Variants in NEBL observed in about 807,000 individuals in gnomAD.
NEBL encodes the protein nebulette, also known as LIM and SH3 protein 2.
A neutral mutation model predicts 140.2 loss-of-function variants in NEBL; 122 were observed. That is an observed-to-expected ratio of 0.87 (90% CI 0.75 to 1.01). The LOEUF (loss-of-function observed/expected upper bound fraction) is 1.01, where lower values mean the gene tolerates loss of function less well. NEBL is among the 50% of genes least tolerant of loss of function. The probability of loss-of-function intolerance (pLI) is 0.00; values close to 1 mark genes in which losing one functional copy is unlikely to be tolerated. For synonymous variants in NEBL, 436 were observed against 398.9 expected, an observed-to-expected ratio of 1.09 and a Z score of -1.11; for missense variants, 1,365 against 1,231.3, an observed-to-expected ratio of 1.11 and a Z score of -1.62.
chr10:20,917,814 A>C (rs1312169972), intron 4 of NEBL, among the ~76,000 whole-genome samples: 1 of 152,178 alleles, frequency 6.6e-6, no homozygotes, highest in African/African-American at 2.4e-5. Context: ...TTCTTTGAGA[A>C]GCCAAGATTC....
intron 3 of NEBL, among the ~76,000 whole-genome samples, chr10:20,889,593 G>T (rs184807215): frequency 1.3e-5 from 2 of 151,978 alleles, no homozygotes; most frequent in Non-Finnish European, 2.9e-5. Flanking sequence ...AAGAGGAATC[G>T]TATATAAATA....
intron 3 of NEBL, among the ~76,000 whole-genome samples, chr10:20,987,337 C>T (rs1837295146): frequency 6.6e-6 from 1 of 152,092 alleles, no homozygotes; most frequent in South Asian, 2.1e-4. Flanking sequence ...TTGCTGCTTC[C>T]AGGCCTTTGT....
intron 3 of NEBL, among the ~76,000 whole-genome samples, chr10:21,006,988 A>G (rs1178025113): frequency 2.6e-5 from 4 of 152,180 alleles, no homozygotes; most frequent in African/African-American, 9.7e-5. Context: ...CTTATTCTAC[A>G]TATTTCTCAA....
At chr10:20,798,389 G>T (rs988812693) in intron 26 of NEBL, among the ~76,000 whole-genome samples, 1 of 152,194 alleles carries the variant, frequency 6.6e-6, no homozygotes, top group Non-Finnish European at 1.5e-5. Context: ...GAAATGGAAA[G>T]TGGGAGAAAA....
In NEBL at chr10:21,242,427, C is replaced by T. The variant is rs138686790; in HGVS notation, n.348+5494G>A. On this transcript the variant is annotated intron_variant and non_coding_transcript_variant, in intron 3 of 8. Coordinates refer to the NEBL transcript ENST00000675702. The stretch of plus-strand genomic sequence containing the variant: ...ACGGGAGCTAAACGTTGAAAATACA[C>T]GGACACAAAGAAGGGAATAACAGAC... 1.7e-3 allele frequency among the ~76,000 whole-genome samples: 261 copies of T among 152,084 alleles called. 2 individuals carry two copies. Among genetic ancestry groups the T allele is most frequent in the African/African-American group, 5.5e-3 (228 of 41,498 alleles).
intron 3 of NEBL, among the ~76,000 whole-genome samples, chr10:20,972,824 A>G (rs571335202): frequency 6.6e-6 from 1 of 152,344 alleles, no homozygotes; most frequent in South Asian, 2.1e-4. Flanking sequence ...AAGGGATGAC[A>G]GACAGCATGG....
chr10:21,025,828 C>T (rs1839003934), intron 2 of NEBL, among the ~76,000 whole-genome samples: 1 of 152,134 alleles, frequency 6.6e-6, no homozygotes, highest in African/African-American at 2.4e-5. Flanking sequence ...TTCAGGCTTG[C>T]TGCAAAATTC....
chr10:20,839,119 C>T (rs1354503889), intron 13 of NEBL, among the ~76,000 whole-genome samples: 3 of 152,148 alleles, frequency 2.0e-5, no homozygotes, highest in South Asian at 4.1e-4. Flanking sequence ...ACACCTGACA[C>T]CTTCTTCCAG....
At chr10:21,190,387 A>G (rs528578776) in intron 3 of NEBL, among the ~76,000 whole-genome samples, 1 of 152,222 alleles carries the variant, frequency 6.6e-6, no homozygotes, top group South Asian at 2.1e-4. Flanking sequence ...AGGAGACTGA[A>G]GCAGGAGAAT....
At chr10:20,919,821 T>C (rs1439019328) in intron 4 of NEBL, among the ~76,000 whole-genome samples, 1 of 151,994 alleles carries the variant, frequency 6.6e-6, no homozygotes, top group African/African-American at 2.4e-5. Flanking sequence ...TAAAAATAAG[T>C]TTGACTACAT....
intron 3 of NEBL, among the ~76,000 whole-genome samples, chr10:20,984,142 A>G (rs1176305749): frequency 1.3e-5 from 2 of 149,688 alleles, no homozygotes; most frequent in Non-Finnish European, 3.0e-5. Context: ...AAAAAGCTCC[A>G]AACTTCTAAA....
intron 2 of NEBL, among the ~76,000 whole-genome samples, chr10:21,099,979 A>G (rs1837396511): frequency 6.6e-6 from 1 of 152,214 alleles, no homozygotes; most frequent in African/African-American, 2.4e-5. Flanking sequence ...AATAAAATAA[A>G]ATAAAAACAA....
At chr10:21,216,137 A>G (rs947995896) in intron 3 of NEBL, among the ~76,000 whole-genome samples, 1 of 152,112 alleles carries the variant, frequency 6.6e-6, no homozygotes, top group East Asian at 1.9e-4. Flanking sequence ...GCTGAAACCC[A>G]TCCTACGTGG....
At chr10:20,934,389 A>G (rs968821766) in intron 4 of NEBL, among the ~76,000 whole-genome samples, 4 of 152,180 alleles carry the variant, frequency 2.6e-5, no homozygotes, top group African/African-American at 9.6e-5. Context: ...GGGACTTACT[A>G]ATGTGCACTA....
chr10:20,930,012 G>A (rs779381052), intron 4 of NEBL, among the ~76,000 whole-genome samples: 6 of 152,180 alleles, frequency 3.9e-5, no homozygotes, highest in South Asian at 2.1e-4. Flanking sequence ...GGGTGATCTC[G>A]CCTCATTCCA....
At chr10:21,193,027 G>A (rs919173501) in intron 3 of NEBL, among the ~76,000 whole-genome samples, 1 of 152,144 alleles carries the variant, frequency 6.6e-6, no homozygotes, top group Non-Finnish European at 1.5e-5. Context: ...AATGTTCAGC[G>A]ATAAGAAGTT....
intron 3 of NEBL, among the ~76,000 whole-genome samples, chr10:21,019,043 G>T (rs1838675457): frequency 6.6e-6 from 1 of 151,882 alleles, no homozygotes; most frequent in Non-Finnish European, 1.5e-5. Flanking sequence ...CCTCCCCCCA[G>T]AAAAAGAGCT....
At chr10:20,887,827 T>C (rs1228038120) in intron 4 of NEBL, among the ~76,000 whole-genome samples, 1 of 152,238 alleles carries the variant, frequency 6.6e-6, no homozygotes, top group African/African-American at 2.4e-5. Context: ...TTCATCCATG[T>C]AAGCTGTCTA....
intron 2 of NEBL, among the ~76,000 whole-genome samples, chr10:21,154,474 A>AAG (rs35900455): frequency 6.6e-6 from 1 of 151,476 alleles, no homozygotes. Flanking sequence ...AAAAAAAAAA[A>AAG]GTGAGCCACA....
Sources: allele counts gnomAD v4.1 joint callset (sites outside exome capture counted in the v4.1 genomes callset), GRCh38; gene constraint gnomAD v4.1.1; transcripts MANE v1.5; gene names NCBI Gene and HGNC (gene_info 2026-07-23, HGNC 2026-07-21).